The following KLF12 variants were observed in gnomAD, a reference collection of about 807,000 sequenced individuals.
KLF12 encodes Krueppel-like factor 12.
KLF12 carries 9 observed loss-of-function variants against 37.8 expected under a neutral mutation model. The observed-to-expected ratio is 0.24, with a 90% CI of 0.14 to 0.42. The LOEUF (loss-of-function observed/expected upper bound fraction) is 0.42, where lower values mean the gene tolerates loss of function less well. KLF12 is among the 10% of genes least tolerant of loss of function. The pLI, the probability that KLF12 is intolerant of heterozygous loss-of-function variation, is 1.00. For missense variants in KLF12, 411 were observed against 516.0 expected (o/e 0.80, Z 1.97); for synonymous variants, 208 against 202.1 (o/e 1.03, Z -0.25).
intron 5 of KLF12, among the ~76,000 whole-genome samples, chr13:73,810,692 G>A (rs1882882868): frequency 6.6e-6 from 1 of 151,482 alleles, no homozygotes; most frequent in African/African-American, 2.4e-5. Context: ...GAATGATGCA[G>A]GAAAACAATG....
At chr13:73,748,147 C>A (rs181348211) in intron 6 of KLF12, among the ~76,000 whole-genome samples, 2,258 of 152,232 alleles carry the variant, frequency 0.015, 20 homozygotes, top group South Asian at 0.037. Flanking sequence ...ACCAGGCACA[C>A]CTGGGAGCAA....
chr13:74,098,418 T>C (rs1255128149), intron 1 of KLF12, among the ~76,000 whole-genome samples: 1 of 152,218 alleles, frequency 6.6e-6, no homozygotes, highest in Non-Finnish European at 1.5e-5. Flanking sequence ...ACTAAGACTT[T>C]TGGTACAGAT....
chr13:74,093,549 A>AATAACC (rs1478546867), intron 1 of KLF12, among the ~76,000 whole-genome samples: 1 of 152,164 alleles, frequency 6.6e-6, no homozygotes, highest in Non-Finnish European at 1.5e-5. Flanking sequence ...GTAAACTATA[A>AATAACC]ATAACCATAA....
intron 1 of KLF12, among the ~76,000 whole-genome samples, chr13:74,117,928 G>T (rs746541994): frequency 2.0e-5 from 3 of 152,114 alleles, no homozygotes; most frequent in Non-Finnish European, 4.4e-5. Flanking sequence ...AAAGCAATAT[G>T]GTACTTGTTT....
intron 5 of KLF12, among the ~76,000 whole-genome samples, chr13:73,805,495 T>C (rs1287174637): frequency 6.6e-6 from 1 of 151,568 alleles, no homozygotes; most frequent in Admixed American, 6.6e-5. Context: ...CACACACTTG[T>C]AGTCTCAGCT....
chr13:74,177,731 G>A, the KLF12 span, among the ~76,000 whole-genome samples: 2,435 of 152,280 alleles, frequency 0.016, 26 homozygotes, highest in Middle Eastern at 0.027. Context: ...CAGTGGTGCC[G>A]ATGGAGAAGA....
chr13:74,117,336 A>T (rs1877367901), intron 1 of KLF12, among the ~76,000 whole-genome samples: 1 of 152,200 alleles, frequency 6.6e-6, no homozygotes, highest in South Asian at 2.1e-4. Context: ...GGACAAGGGG[A>T]TGTCACTGGG....
intron 1 of KLF12, among the ~76,000 whole-genome samples, chr13:74,042,351 G>C (rs1167762283): frequency 6.6e-6 from 1 of 151,326 alleles, no homozygotes; most frequent in Non-Finnish European, 1.5e-5. Flanking sequence ...ACTGGCTACT[G>C]GCCAATTCTG....
chr13:73,807,333 C>G (rs892149699), intron 5 of KLF12, among the ~76,000 whole-genome samples: 1 of 151,220 alleles, frequency 6.6e-6, no homozygotes, highest in African/African-American at 2.4e-5. Context: ...TCATAACATT[C>G]AAAATAGCAA....
intron 1 of KLF12, among the ~76,000 whole-genome samples, chr13:74,005,319 G>A (rs1465622782): frequency 6.6e-6 from 1 of 151,868 alleles, no homozygotes; most frequent in East Asian, 1.9e-4. Flanking sequence ...TAAATATAAA[G>A]GAACTATAAA....
chr13:73,886,784 G>A (rs577847831), intron 3 of KLF12, among the ~76,000 whole-genome samples: 43 of 152,224 alleles, frequency 2.8e-4, no homozygotes, highest in Non-Finnish European at 5.1e-4. Context: ...CTGAGGTCCG[G>A]AGTTCAAGAC....
the KLF12 span, among the ~76,000 whole-genome samples, chr13:74,200,192 G>C: frequency 1.1e-4 from 17 of 149,704 alleles, no homozygotes; most frequent in East Asian, 7.8e-4. Context: ...GCTTGCTCAG[G>C]GGGGGGGTTT....
At chr13:73,872,145 C>T (rs1038220667) in intron 3 of KLF12, among the ~76,000 whole-genome samples, 1 of 152,050 alleles carries the variant, frequency 6.6e-6, no homozygotes, top group Non-Finnish European at 1.5e-5. Context: ...TCTGACACAT[C>T]CTGTTCATGG....
the KLF12 span, among the ~76,000 whole-genome samples, chr13:74,292,191 A>G: frequency 6.6e-6 from 1 of 152,216 alleles, no homozygotes; most frequent in South Asian, 2.1e-4. Context: ...TTTTGATTCA[A>G]GAGCTCTCTC....
At chr13:74,108,275 T>C (rs1876769384) in intron 1 of KLF12, among the ~76,000 whole-genome samples, 1 of 152,326 alleles carries the variant, frequency 6.6e-6, no homozygotes, top group South Asian at 2.1e-4. Context: ...TCTCTTTGGA[T>C]AAACTTTTTC....
At chr13:74,140,306 T>C in the KLF12 span, among the ~76,000 whole-genome samples, 1 of 152,168 alleles carries the variant, frequency 6.6e-6, no homozygotes, top group African/African-American at 2.4e-5. Flanking sequence ...CAGGATTGCT[T>C]GAGGCCATAA....
At chr13:73,910,877 G>C (rs1180657547) in intron 3 of KLF12, among the ~76,000 whole-genome samples, 1 of 152,094 alleles carries the variant, frequency 6.6e-6, no homozygotes, top group Non-Finnish European at 1.5e-5. Context: ...AGTGAAACTG[G>C]TAGCTTCATT....
intron 6 of KLF12, among the ~76,000 whole-genome samples, chr13:73,754,139 G>C (rs1278921860): frequency 2.0e-5 from 3 of 152,052 alleles, no homozygotes; most frequent in Admixed American, 6.6e-5. Flanking sequence ...GTGCCCCCTG[G>C]GGTTGTGCAA....
the KLF12 span, among the ~76,000 whole-genome samples, chr13:74,222,401 C>T: frequency 6.6e-6 from 1 of 152,164 alleles, no homozygotes; most frequent in Non-Finnish European, 1.5e-5. Flanking sequence ...ATTCCACAGT[C>T]TTTTACAAAA....
Sources: gnomAD v4.1 joint callset for allele counts (sites outside exome capture counted in the v4.1 genomes callset) on GRCh38, gnomAD v4.1.1 for gene constraint, MANE v1.5 for transcripts, NCBI Gene and HGNC (gene_info 2026-07-23, HGNC 2026-07-21) for gene names.